Variants in STAG1 observed in about 807,000 individuals in gnomAD.
STAG1 encodes the protein STAG1 cohesin complex component.
STAG1 carries 26 observed loss-of-function variants against 170.9 expected under a neutral mutation model. The ratio of observed to expected loss-of-function variants is 0.15; its 90% CI spans 0.11 to 0.21. STAG1 has a LOEUF of 0.21. Ranked by LOEUF, STAG1 falls within the 10% of genes least tolerant of loss-of-function variation. The pLI, the probability that STAG1 is intolerant of heterozygous loss-of-function variation, is 1.00. For missense variants in STAG1, 964 were observed against 1,509.5 expected, an observed-to-expected ratio of 0.64 and a Z score of 5.99; for synonymous variants, 514 against 497.7, an observed-to-expected ratio of 1.03 and a Z score of -0.44.
intron 16 of STAG1, 85 bp downstream of exon 16, chr3:136,433,471 C>T: frequency 6.4e-6 from 6 of 936,050 alleles, no homozygotes; most frequent in Admixed American, 2.6e-5. Flanking sequence ...TTTAGGGATA[C>T]AAATATCAGT....
chr3:136,429,628 T>C (rs1220597533), intron 16 of STAG1, among the ~76,000 whole-genome samples: 1 of 152,114 alleles, frequency 6.6e-6, no homozygotes, highest in South Asian at 2.1e-4. Flanking sequence ...TTAAAGCAAA[T>C]AGTGGAAGGA....
At chr3:136,580,515 A>G (rs1937567871) in intron 4 of STAG1, among the ~76,000 whole-genome samples, 2 of 148,270 alleles carry the variant, frequency 1.3e-5, no homozygotes, top group South Asian at 4.3e-4. Context: ...TTATTCTTGT[A>G]TAATTCTTTT....
chr3:136,704,419 A>AG (rs1446130547), intron 1 of STAG1, among the ~76,000 whole-genome samples: 2 of 152,154 alleles, frequency 1.3e-5, no homozygotes, highest in Non-Finnish European at 2.9e-5. Context: ...AGACACATAT[A>AG]ACTTAAAAGT....
At chr3:136,674,509 T>C (rs188560528) in intron 1 of STAG1, among the ~76,000 whole-genome samples, 18 of 152,266 alleles carry the variant, frequency 1.2e-4, no homozygotes, top group African/African-American at 3.6e-4. Context: ...TGGGAATAAC[T>C]GACCAAGAAG....
chr3:136,623,887 T>C (rs1051748096), intron 2 of STAG1, among the ~76,000 whole-genome samples: 10 of 151,750 alleles, frequency 6.6e-5, no homozygotes, highest in African/African-American at 2.2e-4. Context: ...CCCGCGGAGG[T>C]TGCAGTGAGC....
chr3:136,679,451 G>A (rs948118103), intron 1 of STAG1, among the ~76,000 whole-genome samples: 2 of 151,856 alleles, frequency 1.3e-5, no homozygotes, highest in South Asian at 2.1e-4. Flanking sequence ...AGCATGGGCC[G>A]GGTGCGGTGG....
rs571054836 is a variant in STAG1, at chr3:136,731,800, C to T, written c.-84+20395G>A. 6.6e-5 allele frequency among the ~76,000 whole-genome samples: 10 copies of T among 152,304 alleles called. No individual in the cohort carries two copies. In the South Asian group the frequency reaches 1.9e-3, roughly 28 times the overall value. Reference sequence around the variant, plus strand: ...TTTTTCATCAAGTATGTAGCAAACACATGCCCACACCTGGCACCAGAAACT... The same window carrying T: ...TTTTTCATCAAGTATGTAGCAAACATATGCCCACACCTGGCACCAGAAACT... On this transcript the variant is annotated intron_variant, in intron 1 of 33. Transcript: ENST00000383202.
At chr3:136,541,726 A>C (rs921823455) in intron 6 of STAG1, among the ~76,000 whole-genome samples, 1 of 152,284 alleles carries the variant, frequency 6.6e-6, no homozygotes, top group East Asian at 1.9e-4. Flanking sequence ...GACAGGTATA[A>C]TATGTGGTCC....
intron 13 of STAG1, among the ~76,000 whole-genome samples, chr3:136,457,445 C>T (rs920104144): frequency 4.6e-5 from 7 of 152,178 alleles, no homozygotes; most frequent in African/African-American, 1.4e-4. Context: ...CACCTGTTTA[C>T]CCCCACATCC....
intron 4 of STAG1, among the ~76,000 whole-genome samples, chr3:136,594,861 C>A (rs554190866): frequency 6.6e-6 from 1 of 152,272 alleles, no homozygotes; most frequent in East Asian, 1.9e-4. Context: ...GCCTTGACTT[C>A]CCGGGCTCAG....
intron 1 of STAG1, among the ~76,000 whole-genome samples, chr3:136,734,513 C>A (rs1469314906): frequency 2.6e-5 from 4 of 152,124 alleles, no homozygotes. Context: ...AATAAAGGGA[C>A]TCCCCTGAAA....
At chr3:136,532,690 A>C (rs1174260331) in intron 6 of STAG1, among the ~76,000 whole-genome samples, 1 of 152,224 alleles carries the variant, frequency 6.6e-6, no homozygotes, top group African/African-American at 2.4e-5. Context: ...CAATAGATGC[A>C]GAAAAAGCAT....
chr3:136,423,485 T>A (rs2088020097), intron 16 of STAG1, among the ~76,000 whole-genome samples: 1 of 152,212 alleles, frequency 6.6e-6, no homozygotes, highest in Non-Finnish European at 1.5e-5. Flanking sequence ...TATCTCTGGA[T>A]TCATTTACAT....
chr3:136,551,202 AGAGAGT>A (rs766671112), intron 5 of STAG1, among the ~76,000 whole-genome samples: 1,698 of 56,472 alleles, frequency 0.03, 67 homozygotes, highest in Non-Finnish European at 0.038. Flanking sequence ...AGAGGTTGAG[AGAGAGT>A]GAGAGAGAGA....
intron 1 of STAG1, among the ~76,000 whole-genome samples, chr3:136,645,490 A>G (rs2107850621): frequency 6.6e-6 from 1 of 152,300 alleles, no homozygotes; most frequent in South Asian, 2.1e-4. Context: ...CTCTTCTTCC[A>G]TACCTCTAGA....
chr3:136,697,617 T>A (rs1179275518), intron 1 of STAG1, among the ~76,000 whole-genome samples: 1 of 152,216 alleles, frequency 6.6e-6, no homozygotes, highest in African/African-American at 2.4e-5. Context: ...TTATTTCTAA[T>A]GTCAATAGCC....
chr3:136,423,034 G>A lies in STAG1; in HGVS notation c.1661C>T (p.Ala554Val). Residue 554 changes from alanine to valine, a missense_variant, in exon 17 of 34, where the codon GCC becomes GTC. By Grantham distance (64) the Ala-to-Val change is moderately conservative. This residue lies in a region of STAG1 where 232 missense variants were observed against 313.0 expected (regional missense o/e 0.74). Transcript: ENST00000383202. Reference protein sequence around the residue: ...GRGTGKRVLTAKERKTQIDDR... With the variant: ...GRGTGKRVLTVKERKTQIDDR... ...ATCAATTTGAGTTTTCCTTTCTTTG[G>A]CAGTTAGCACCTAGAAACAAAATCG... 6.2e-7 allele frequency: 1 copy of A among 1,604,114 alleles called. No individual in the cohort carries two copies. The highest frequency in any genetic ancestry group is 2.2e-5 in the East Asian group (1 of 44,594).
At chr3:136,407,531 G>A (rs943695819) in intron 21 of STAG1, among the ~76,000 whole-genome samples, 20 of 150,818 alleles carry the variant, frequency 1.3e-4, no homozygotes, top group Admixed American at 1.3e-3. Flanking sequence ...GTGCGATCTT[G>A]GCTCACTGCA....
chr3:136,695,594 G>A lies in STAG1; in HGVS notation c.-84+56601C>T, dbSNP rs1054215250. Among the ~76,000 whole-genome samples, 9 of 147,340 alleles carry A rather than the reference G, an allele frequency of 6.1e-5. No homozygotes were observed. In the South Asian group the frequency reaches 8.5e-4, roughly 14 times the overall value. On this transcript the variant is annotated intron_variant, in intron 1 of 33. Coordinates refer to ENST00000383202, the MANE Select transcript of STAG1 (RefSeq NM_005862.3). ...GTTTAACATCAAACACACAAAAGTCGAAATAAAAACCAAGTGCAAAAAGAG... is the reference window on the plus strand; with the variant it reads ...GTTTAACATCAAACACACAAAAGTCAAAATAAAAACCAAGTGCAAAAAGAG...
Sources: gnomAD v4.1 joint callset for allele counts (sites outside exome capture counted in the v4.1 genomes callset) on GRCh38, gnomAD v4.1.1 for gene constraint, gnomAD v4.1.1 regional missense constraint, MANE v1.5 for transcripts, NCBI Gene and HGNC (gene_info 2026-07-23, HGNC 2026-07-21) for gene names.